Variants in SHTN1 observed in about 807,000 individuals in gnomAD.
SHTN1 encodes the protein shootin-1.
SHTN1 carries 42 observed loss-of-function variants against 83.1 expected under a neutral mutation model. The observed-to-expected ratio is 0.51, with a 90% CI of 0.39 to 0.65. The LOEUF (loss-of-function observed/expected upper bound fraction) is 0.65, where lower values mean the gene tolerates loss of function less well. Among genes scored for constraint, SHTN1 ranks in the 30% least tolerant of loss-of-function variants. The probability of loss-of-function intolerance (pLI) is 0.00; values close to 1 mark genes in which losing one functional copy is unlikely to be tolerated. For missense variants in SHTN1, 622 were observed against 737.8 expected, an observed-to-expected ratio of 0.84 and a Z score of 1.82; for synonymous variants, 224 against 247.7, an observed-to-expected ratio of 0.90 and a Z score of 0.90.
intron 1 of SHTN1, among the ~76,000 whole-genome samples, chr10:117,104,143 T>C (rs1853641333): frequency 6.6e-6 from 1 of 152,190 alleles, no homozygotes; most frequent in Non-Finnish European, 1.5e-5. Flanking sequence ...GATTTTTTTT[T>C]ACCTCATTTT....
At chr10:117,024,628 G>A (rs981229688) in intron 2 of SHTN1, among the ~76,000 whole-genome samples, 1 of 152,010 alleles carries the variant, frequency 6.6e-6, no homozygotes, top group African/African-American at 2.4e-5. Context: ...AAAGTGCTGG[G>A]ATTACAGGCG....
At chr10:116,973,518 C>T (rs1850690749) in intron 2 of SHTN1, among the ~76,000 whole-genome samples, 1 of 152,146 alleles carries the variant, frequency 6.6e-6, no homozygotes, top group African/African-American at 2.4e-5. Context: ...TTATACAGGG[C>T]CCACACAGCC....
chr10:116,938,813 T>G (rs1849262232), intron 9 of SHTN1, among the ~76,000 whole-genome samples: 2 of 152,224 alleles, frequency 1.3e-5, no homozygotes, highest in Admixed American at 1.3e-4. Context: ...GGGAGTTTTA[T>G]CTACAAGCCC....
intron 1 of SHTN1, among the ~76,000 whole-genome samples, chr10:117,048,971 C>G (rs1852705162): frequency 1.3e-5 from 2 of 152,142 alleles, no homozygotes. Context: ...GGCAAGTAAC[C>G]TAGCCTTTCG....
rs200736493 is a variant in SHTN1 at position 117,110,807 on chromosome 10, G to GC, written c.-189+15499dup. Among the ~76,000 whole-genome samples the GC allele has an allele frequency of 8.3e-3, 1,268 of 152,256 alleles. 16 individuals carry two copies. The highest frequency in any genetic ancestry group is 0.029 in the African/African-American group (1,212 of 41,548). On this transcript the variant is annotated intron_variant, in intron 1 of 17. Transcript: ENST00000392901. ...TGCCATACTATGTACCAGGCACCAG[G>GC]CTCAGCATTTTACAAGCACTTATTA...
intron 6 of SHTN1, among the ~76,000 whole-genome samples, chr10:116,951,211 C>T (rs2133420280): frequency 6.6e-6 from 1 of 152,260 alleles, no homozygotes; most frequent in African/African-American, 2.4e-5. Flanking sequence ...TCATTCAAGT[C>T]CAGGAGTTCA....
At position 117,114,840 on chromosome 10, in the gene SHTN1, A is replaced by G. The variant is rs74159039; in HGVS notation, c.-189+11467T>C. On this transcript the variant is annotated intron_variant, in intron 1 of 17. Transcript: ENST00000392901. ...TTTTAAAGGAGATCTGGTTCTGCACACTGTAATTCTTCCAAGCTGCTCAAG... is the reference window on the plus strand; with the variant it reads ...TTTTAAAGGAGATCTGGTTCTGCACGCTGTAATTCTTCCAAGCTGCTCAAG... 2.8e-3 allele frequency among the ~76,000 whole-genome samples: 433 copies of G among 152,262 alleles called. 2 individuals are homozygous for G. Among genetic ancestry groups the G allele is most frequent in the African/African-American group, 1.0e-2 (415 of 41,560 alleles).
chr10:117,081,335 A>C (rs1489141705), intron 1 of SHTN1, among the ~76,000 whole-genome samples: 2 of 147,180 alleles, frequency 1.4e-5, no homozygotes. Context: ...GCTGGATTAC[A>C]TTTATTGATT....
chr10:116,995,336 TG>T (rs1851591275), intron 1 of SHTN1, among the ~76,000 whole-genome samples: 1 of 152,158 alleles, frequency 6.6e-6, no homozygotes, highest in Non-Finnish European at 1.5e-5. Flanking sequence ...AAGGAGAAAC[TG>T]AACTCCTAAA....
chr10:116,991,772 A>C (rs1036253537), intron 1 of SHTN1, among the ~76,000 whole-genome samples: 2 of 152,166 alleles, frequency 1.3e-5, no homozygotes, highest in African/African-American at 4.8e-5. Flanking sequence ...CAAACTTCCA[A>C]ACTATACAAA....
chr10:117,036,234 C>CA (rs1216310738), intron 2 of SHTN1, among the ~76,000 whole-genome samples: 1 of 151,820 alleles, frequency 6.6e-6, no homozygotes, highest in African/African-American at 2.4e-5. Flanking sequence ...GGAGTTTCCT[C>CA]AAAAAACTAA....
intron 1 of SHTN1, among the ~76,000 whole-genome samples, chr10:117,117,739 G>A (rs773756404): frequency 1.3e-5 from 2 of 152,018 alleles, no homozygotes; most frequent in Non-Finnish European, 2.9e-5. Flanking sequence ...ATAAATGCAT[G>A]CATTTACAAC....
chr10:116,960,268 G>T, intron 3 of SHTN1, 38 bp from the exon 4 acceptor site: 2 of 1,166,516 alleles, frequency 1.7e-6, no homozygotes, highest in Non-Finnish European at 2.6e-6. Context: ...AGCATTCAAA[G>T]ATTAGTCAGC....
intron 1 of SHTN1, among the ~76,000 whole-genome samples, chr10:117,078,258 C>T (rs999917383): frequency 6.6e-6 from 1 of 152,150 alleles, no homozygotes; most frequent in African/African-American, 2.4e-5. Context: ...AAAGCACAAT[C>T]GAAGACACGC....
At position 117,031,541 on chromosome 10, in the gene SHTN1, C is replaced by A. The variant is rs1852416205; in HGVS notation, c.-123+16904G>T. 2.0e-5 allele frequency among the ~76,000 whole-genome samples: 3 copies of A among 152,194 alleles called. No homozygotes were observed. The South Asian group carries it at 6.2e-4, about 32-fold the overall frequency. On this transcript the variant is annotated intron_variant, in intron 2 of 17. Transcript: ENST00000392901. ...ATGAACAAATCAAAAATAATAACTA[C>A]AAATTTTTAAGACATAGTACAATAA... is the stretch of plus-strand genomic sequence containing the variant.
chr10:117,101,310 T>A lies in SHTN1; in HGVS notation c.-189+24997A>T, dbSNP rs573602891. Reference sequence around the variant, plus strand: ...GGAGTTTCAGGGATAGGCAGCTACATGGACCAATAATCTAGTGTGAAGACT... The same window carrying A: ...GGAGTTTCAGGGATAGGCAGCTACAAGGACCAATAATCTAGTGTGAAGACT... On this transcript the variant is annotated intron_variant, in intron 1 of 17. Coordinates refer to the SHTN1 transcript ENST00000392901. Among the ~76,000 whole-genome samples the A allele has an allele frequency of 4.6e-5, 7 of 152,314 alleles. No homozygotes were observed. In the South Asian group the frequency reaches 1.5e-3, roughly 32 times the overall value.
At position 116,926,725 on chromosome 10, in the gene SHTN1, A is replaced by C. The variant is rs563591660; in HGVS notation, c.1112+1067T>G. On this transcript the variant is annotated intron_variant, in intron 11 of 16. Transcript: ENST00000355371. ...TTAATGAAAGGTTTAAAAAAAAAAA[A>C]AACCCTAGAAAAAGTTTTAAAATGC... Among the ~76,000 whole-genome samples the C allele has an allele frequency of 7.4e-4, 112 of 152,260 alleles. 2 individuals carry two copies. In the South Asian group the frequency reaches 0.022, roughly 30 times the overall value.
intron 1 of SHTN1, among the ~76,000 whole-genome samples, chr10:117,004,137 T>C (rs1322527308): frequency 6.6e-6 from 1 of 152,156 alleles, no homozygotes; most frequent in Non-Finnish European, 1.5e-5. Flanking sequence ...TCCACCTGCC[T>C]CGGCCTCCCA....
rs1302779817 is a variant in SHTN1, at chr10:117,042,234, G to T, written c.-123+6211C>A. Among the ~76,000 whole-genome samples the T allele has an allele frequency of 2.6e-5, 4 of 152,276 alleles. No homozygotes were observed. In the East Asian group the frequency reaches 5.8e-4, roughly 22 times the overall value. ...TCTTTGAAGCCACCCTTCAAAAGTA[G>T]CACTTTCTATGTAATCAGAGAAATG... On this transcript the variant is annotated intron_variant, in intron 2 of 17. Transcript: ENST00000392901.
Sources: gnomAD v4.1 joint callset for allele counts (sites outside exome capture counted in the v4.1 genomes callset) on GRCh38, gnomAD v4.1.1 for gene constraint, MANE v1.5 for transcripts, NCBI Gene and HGNC (gene_info 2026-07-23, HGNC 2026-07-21) for gene names.